ARHGEF18: variants seen among roughly 807,000 people sequenced by gnomAD.
The protein encoded by ARHGEF18 is Rho/Rac guanine nucleotide exchange factor 18.
A neutral mutation model predicts 155.7 loss-of-function variants in ARHGEF18; 93 were observed. The ratio of observed to expected loss-of-function variants is 0.60; its 90% confidence interval spans 0.50 to 0.71. The LOEUF is 0.71. Ranked by LOEUF, ARHGEF18 falls within the 30% of genes least tolerant of loss-of-function variation. The pLI, the probability that ARHGEF18 is intolerant of heterozygous loss-of-function variation, is 0.00. For missense variants in ARHGEF18, 1,593 were observed against 1,816.1 expected (o/e 0.88, Z 2.23); for synonymous variants, 742 against 753.1 (o/e 0.99, Z 0.24).
In ARHGEF18 at chr19:7,440,366, G is replaced by A; in HGVS notation, c.990G>A (p.Arg330=). The change falls in exon 11 of 29, where the codon CGG becomes CGA. Residue 330 remains arginine (R), a synonymous_variant. Transcript: ENST00000668164. The surrounding 1 kb of genome is among the most constrained non-coding windows in gnomAD (Gnocchi z 5.4). ...LSSASLKEHP[R]GTLLSDGSPA... ...CAGCCTCGCTCAAGGAGCACCCCCG[G>A]GGCACCCTCCTGTCCGATGGCAGCC... 1 of 1,612,354 alleles carries A rather than the reference G, an allele frequency of 6.2e-7. No individual in the cohort carries two copies. The highest frequency in any genetic ancestry group is 8.5e-7 in the Non-Finnish European group (1 of 1,179,980).
Position 7,440,551 on chromosome 19 carries a change from T to G in ARHGEF18, c.1106+69T>G. ...TCCCCGGGGAGCTGTTGACAGCCTC[T>G]TCGGAGGGAGACCCCGACTTAGATC... On this transcript the variant is annotated intron_variant, in intron 11 of 28. Coordinates refer to ENST00000668164, the MANE Select transcript of ARHGEF18 (RefSeq NM_001367823.1). This position sits in a 1 kb window ranked among gnomAD's most constrained non-coding sequence, Gnocchi z 5.4. The G allele has an allele frequency of 1.3e-6, 2 of 1,513,634 alleles. No homozygotes were observed. Among genetic ancestry groups the G allele is most frequent in the Non-Finnish European group, 1.8e-6 (2 of 1,131,070 alleles). 93.8% of individuals were successfully genotyped at this position (1,513,634 alleles called of 1,614,324 possible).
At chr19:7,477,209 G>T, downstream of ARHGEF18, 4 of 1,501,400 alleles carry the variant, frequency 2.7e-6, no homozygotes, top group Non-Finnish European at 3.5e-6. Context: ...GTGTCAGGGG[G>T]TAGTGGCCTC....
intron 11 of ARHGEF18, among the ~76,000 whole-genome samples, 193 bp from the exon 12 acceptor site, chr19:7,441,460 G>A (rs141463298): frequency 6.7e-4 from 102 of 152,234 alleles, no homozygotes; most frequent in African/African-American, 2.3e-3. Flanking sequence ...GATTACAGGC[G>A]TGAGACACTG....
intron 10 of ARHGEF18, among the ~76,000 whole-genome samples, chr19:7,432,752 A>C (rs1399191280): frequency 6.6e-6 from 1 of 152,240 alleles, no homozygotes; most frequent in African/African-American, 2.4e-5. Flanking sequence ...CTATATAGGA[A>C]TCTGCAATTT....
intron 3 of ARHGEF18, 95 bp downstream of exon 3, chr19:7,373,166 C>T: frequency 8.2e-7 from 1 of 1,225,850 alleles, no homozygotes; most frequent in Non-Finnish European, 1.0e-6. Flanking sequence ...CAAGCCACCC[C>T]TTGCACCTGC....
chr19:7,385,401 T>C (rs1340214034), intron 10 of ARHGEF18, among the ~76,000 whole-genome samples: 3 of 151,708 alleles, frequency 2.0e-5, no homozygotes, highest in African/African-American at 7.2e-5. Context: ...TGTATGTCCA[T>C]GTGGCCCACT....
chr19:7,354,577 G>A (rs576914429), intron 1 of ARHGEF18, among the ~76,000 whole-genome samples: 13 of 152,174 alleles, frequency 8.5e-5, no homozygotes, highest in African/African-American at 2.4e-4. Context: ...ATGAGCACTC[G>A]TTGACACACA....
the ARHGEF18 span, chr19:7,478,481 G>C: frequency 8.2e-7 from 1 of 1,220,832 alleles, no homozygotes; most frequent in Non-Finnish European, 1.2e-6. Context: ...CTGCATCTCG[G>C]ATAAACGGCC....
At chr19:7,475,739 C>T (rs1977214527), downstream of ARHGEF18, among the ~76,000 whole-genome samples, 1 of 152,232 alleles carries the variant, frequency 6.6e-6, no homozygotes, top group African/African-American at 2.4e-5. Context: ...CATGTGGCTT[C>T]CCCACACAGA....
intron 10 of ARHGEF18, among the ~76,000 whole-genome samples, chr19:7,400,468 ATGGG>A (rs1971977180): frequency 6.6e-6 from 1 of 152,062 alleles, no homozygotes; most frequent in Non-Finnish European, 1.5e-5. Flanking sequence ...CATCATTCTT[ATGGG>A]TGGGTTTCAG....
At chr19:7,466,839 G>GGAAA in intron 23 of ARHGEF18, 79 bp from the exon 24 acceptor site, 1 of 623,176 alleles carries the variant, frequency 1.6e-6, no homozygotes, top group Non-Finnish European at 2.5e-6. Flanking sequence ...TAAAAAAAAA[G>GGAAA]AAGAAGAAGA....
intron 10 of ARHGEF18, among the ~76,000 whole-genome samples, chr19:7,429,460 AGGTGT>A (rs1973839273): frequency 6.6e-6 from 1 of 152,000 alleles, no homozygotes; most frequent in African/African-American, 2.4e-5. Flanking sequence ...AAAATTACCT[AGGTGT>A]GGTGGCAGGC....
chr19:7,372,494 G>T (rs1600216684), intron 2 of ARHGEF18, among the ~76,000 whole-genome samples: 1 of 152,162 alleles, frequency 6.6e-6, no homozygotes, highest in East Asian at 1.9e-4. Flanking sequence ...AAAAGAGAGA[G>T]AGATAATCAG....
downstream of ARHGEF18, among the ~76,000 whole-genome samples, chr19:7,474,105 G>A (rs376537276): frequency 1.3e-5 from 2 of 151,936 alleles, no homozygotes; most frequent in African/African-American, 2.4e-5. Context: ...TTGGGAGGCC[G>A]AGGCAGGCAG....
At position 7,467,579 on chromosome 19, in the gene ARHGEF18, G is replaced by A. The variant is rs1439132118; in HGVS notation, c.3375G>A (p.Glu1125=). 3 of 1,501,008 alleles carry A rather than the reference G, an allele frequency of 2.0e-6. No individual in the cohort carries two copies. Among genetic ancestry groups the A allele is most frequent in the Admixed American group, 2.2e-5 (1 of 45,446 alleles). The allele number at this position is 1,501,008 out of a possible 1,614,324, so 93.0% of individuals were successfully genotyped here. The change falls in exon 26 of 29, where the codon GAG becomes GAA. Residue 1125 remains glutamate, a synonymous_variant. Transcript: ENST00000668164. ...AGCACGACCTGGAGCGGCTGCGCGA[G>A]GCCCAGCGTGCCGTGGAGCGCGAGC... The part of the protein sequence containing the change: ...AYQHDLERLR[E]AQRAVERERE...
intron 10 of ARHGEF18, among the ~76,000 whole-genome samples, chr19:7,396,302 T>C (rs1206706285): frequency 6.6e-6 from 1 of 152,174 alleles, no homozygotes; most frequent in Non-Finnish European, 1.5e-5. Flanking sequence ...CCAGTAGCTT[T>C]GAAGGGCCCC....
At position 7,444,832 on chromosome 19, in the gene ARHGEF18, T is replaced by C. The variant is rs1974889411; in HGVS notation, c.1611+378T>C. Among the ~76,000 whole-genome samples, 1 of 151,946 alleles carries C rather than the reference T, an allele frequency of 6.6e-6. No homozygotes were observed. The highest frequency in any genetic ancestry group is 1.5e-5 in the Non-Finnish European group (1 of 67,988). ...CTTTTTATTTTTTGAAGAGATGGGGTCTTGCTTTGTTGCCCAGGCTAGTCT... is the reference window on the plus strand; with the variant it reads ...CTTTTTATTTTTTGAAGAGATGGGGCCTTGCTTTGTTGCCCAGGCTAGTCT... On this transcript the variant is annotated intron_variant, in intron 14 of 28. Transcript: ENST00000668164. The surrounding 1 kb of genome is among the most constrained non-coding windows in gnomAD (Gnocchi z 4.7).
At chr19:7,387,048 A>G (rs1971122217) in intron 10 of ARHGEF18, among the ~76,000 whole-genome samples, 1 of 152,110 alleles carries the variant, frequency 6.6e-6, no homozygotes, top group African/African-American at 2.4e-5. Context: ...TAGGGTTTTC[A>G]TCAGATCTCC....
intron 10 of ARHGEF18, among the ~76,000 whole-genome samples, chr19:7,413,127 G>A (rs1394304921): frequency 6.6e-6 from 1 of 151,932 alleles, no homozygotes; most frequent in Non-Finnish European, 1.5e-5. Flanking sequence ...TCAGAAGCAC[G>A]CAGAGATATT....
Sources: allele counts gnomAD v4.1 joint callset (sites outside exome capture counted in the v4.1 genomes callset), GRCh38; gene constraint gnomAD v4.1.1; non-coding constraint Gnocchi (gnomAD v3.1); transcripts MANE v1.5; gene names NCBI Gene and HGNC (gene_info 2026-07-23, HGNC 2026-07-21).